Variants in MAST4 observed in about 807,000 individuals in gnomAD.
The protein encoded by MAST4 is microtubule-associated serine/threonine-protein kinase 4.
MAST4 carries 89 observed loss-of-function variants against 162.7 expected under a neutral mutation model. That is an observed-to-expected ratio of 0.55 (90% CI 0.46 to 0.65). The LOEUF (loss-of-function observed/expected upper bound fraction) is 0.65. Ranked by LOEUF, MAST4 falls within the 30% of genes least tolerant of loss-of-function variation. MAST4 has a pLI of 0.00. For missense variants in MAST4, 3,153 were observed against 3,374.0 expected (o/e 0.93, Z 1.62); for synonymous variants, 1,479 against 1,361.1 (o/e 1.09, Z -1.91).
At chr5:66,955,717 A>T (rs1745227864) in intron 4 of MAST4, among the ~76,000 whole-genome samples, 1 of 152,188 alleles carries the variant, frequency 6.6e-6, no homozygotes, top group South Asian at 2.1e-4. Flanking sequence ...ATTAAAGGTG[A>T]TCATGGTCCA....
At position 67,033,802 on chromosome 5, in the gene MAST4, T is replaced by C. The variant is rs137947448; in HGVS notation, c.675-20602T>C. Among the ~76,000 whole-genome samples, 21 of 152,286 alleles carry C rather than the reference T, an allele frequency of 1.4e-4. No homozygotes were observed. In the East Asian group the frequency reaches 3.9e-3, roughly 28 times the overall value. On this transcript the variant is annotated intron_variant, in intron 4 of 28. Transcript: ENST00000403625. ...CATTCAGTGATAAGCAAAATAAGTT[T>C]AGGTTTCAAAGAAAAGTATCAGTTT...
intron 18 of MAST4, among the ~76,000 whole-genome samples, chr5:67,135,408 G>C (rs544541313): frequency 6.6e-6 from 1 of 152,220 alleles, no homozygotes; most frequent in African/African-American, 2.4e-5. Flanking sequence ...CATCAGAAAG[G>C]CCTCTCATCT....
intron 1 of MAST4, among the ~76,000 whole-genome samples, chr5:66,724,691 G>A (rs528551953): frequency 6.6e-6 from 1 of 152,162 alleles, no homozygotes; most frequent in African/African-American, 2.4e-5. Flanking sequence ...GCTTGTTACT[G>A]TACTGAATAC....
intron 4 of MAST4, among the ~76,000 whole-genome samples, chr5:66,989,407 A>T (rs1222514090): frequency 6.6e-6 from 1 of 152,182 alleles, no homozygotes; most frequent in Admixed American, 6.5e-5. Flanking sequence ...GGTTTGACCC[A>T]GTCATTGATG....
chr5:67,166,225 C>T lies in MAST4; in HGVS notation c.7046C>T (p.Thr2349Ile), dbSNP rs1561213845. 1.3e-6 allele frequency: 2 copies of T among 1,552,514 alleles called. No homozygotes were observed. The highest frequency in any genetic ancestry group is 1.7e-6 in the Non-Finnish European group (2 of 1,147,334). ...GATTGCCCCACCCTGTGCAAACAGA[C>T]AGACAACAGACAGACAGACAAAAGC... is the stretch of plus-strand genomic sequence containing the variant. ...VKDCPTLCKQ[T>I]DNRQTDKSPS... Residue 2349 changes from threonine to isoleucine, a missense_variant, in exon 29 of 29, where the codon ACA becomes ATA. By Grantham distance (89) the Thr-to-Ile change is moderately conservative. Around this residue, in one of 7 missense-constraint regions of MAST4, gnomAD observed 1,644 missense variants for 1,495.0 expected, o/e 1.10. Transcript: ENST00000403625.
At chr5:67,144,481 CACACACT>C (rs1770809623) in intron 21 of MAST4, among the ~76,000 whole-genome samples, 181 bp from the exon 22 acceptor site, 1 of 151,816 alleles carries the variant, frequency 6.6e-6, no homozygotes, top group Non-Finnish European at 1.5e-5. Context: ...CACACACACA[CACACACT>C]CACTCACCCT....
intron 5 of MAST4, among the ~76,000 whole-genome samples, chr5:67,059,955 C>T (rs558879734): frequency 1.8e-4 from 27 of 152,224 alleles, no homozygotes; most frequent in Non-Finnish European, 2.8e-4. Context: ...AAATGAATCA[C>T]GTGAACATTT....
At chr5:67,017,141 CA>C (rs1753394684) in intron 4 of MAST4, among the ~76,000 whole-genome samples, 1 of 152,100 alleles carries the variant, frequency 6.6e-6, no homozygotes, top group Non-Finnish European at 1.5e-5. Context: ...ATACATAAAA[CA>C]ATTGCATAAG....
intron 4 of MAST4, among the ~76,000 whole-genome samples, chr5:66,926,450 G>A (rs1163785734): frequency 6.6e-6 from 1 of 152,104 alleles, no homozygotes; most frequent in East Asian, 1.9e-4. Flanking sequence ...AGGAGCCTGA[G>A]CCAGGAGAAT....
chr5:67,130,320 G>A lies in MAST4; in HGVS notation c.1856G>A (p.Arg619Gln), dbSNP rs1264103819. ...RNQIQQAFVE[R>Q]DILTFAENPF... ...CAGATCCAGCAGGCCTTTGTGGAGC[G>A]GGATATCCTGACTTTTGCAGAAAAC... The change falls in exon 15 of 29, where the codon CGG becomes CAG. Residue 619 changes from arginine to glutamine, a missense_variant. By Grantham distance (43) the Arg-to-Gln change is conservative. Transcript: ENST00000403625. 5 of 1,613,780 alleles carry A rather than the reference G, an allele frequency of 3.1e-6. No homozygotes were observed. Among genetic ancestry groups the A allele is most frequent in the Admixed American group, 1.7e-5 (1 of 59,958 alleles).
intron 5 of MAST4, among the ~76,000 whole-genome samples, chr5:67,078,906 AT>A (rs1762142370): frequency 9.3e-5 from 1 of 10,752 alleles, no homozygotes; most frequent in African/African-American, 2.5e-4. Context: ...ATATATTTTT[AT>A]ATAAATATAT....
chr5:66,931,396 T>C (rs1481030734), intron 4 of MAST4, among the ~76,000 whole-genome samples: 1 of 152,180 alleles, frequency 6.6e-6, no homozygotes, highest in African/African-American at 2.4e-5. Flanking sequence ...AGGAACCTAA[T>C]TCTTTGTTGT....
chr5:66,818,516 A>G (rs1756837830), intron 3 of MAST4, among the ~76,000 whole-genome samples: 1 of 152,040 alleles, frequency 6.6e-6, no homozygotes. Flanking sequence ...GCTCAACTAG[A>G]TAAATACAAA....
In MAST4 at chr5:66,679,540, C is replaced by T. The variant is rs183254305; in HGVS notation, c.364-80169C>T. On this transcript the variant is annotated intron_variant, in intron 1 of 28. Coordinates refer to ENST00000403625, the MANE Select transcript of MAST4 (RefSeq NM_001164664.2). ...GTATAAACTTCGCTGAAGAGGAGAC[C>T]TGGTGAGATTTTTCCCTTCTTCATT... is the stretch of plus-strand genomic sequence containing the variant. Among the ~76,000 whole-genome samples the T allele has an allele frequency of 3.4e-3, 508 of 151,608 alleles. 1 individual carries two copies. Among genetic ancestry groups the T allele is most frequent in the African/African-American group, 0.012 (476 of 40,890 alleles).
intron 4 of MAST4, chr5:66,963,635 C>A: frequency 1.3e-6 from 1 of 770,812 alleles, no homozygotes; most frequent in African/African-American, 1.7e-5. Context: ...GGAACACAGT[C>A]CCTTAACTGA....
intron 3 of MAST4, among the ~76,000 whole-genome samples, chr5:66,818,202 C>CGT (rs1050464179): frequency 6.6e-6 from 1 of 152,114 alleles, no homozygotes; most frequent in Non-Finnish European, 1.5e-5. Flanking sequence ...CCATAGACAT[C>CGT]TATTACTTTT....
intron 1 of MAST4, among the ~76,000 whole-genome samples, chr5:66,599,841 G>T: frequency 6.6e-6 from 1 of 152,130 alleles, no homozygotes; most frequent in East Asian, 1.9e-4. Context: ...TAAAAGGCTT[G>T]TGTGCAACTC....
chr5:66,633,533 T>C (rs1390828601), intron 1 of MAST4, among the ~76,000 whole-genome samples: 3 of 152,220 alleles, frequency 2.0e-5, no homozygotes, highest in Non-Finnish European at 4.4e-5. Context: ...TTTCTTTGGC[T>C]GTCATTTGGT....
chr5:67,017,578 AG>A (rs1449256486), intron 4 of MAST4, among the ~76,000 whole-genome samples: 1 of 151,384 alleles, frequency 6.6e-6, no homozygotes, highest in Admixed American at 6.6e-5. Flanking sequence ...AAAGATATAG[AG>A]TATTTCTTTC....
Sources: allele counts gnomAD v4.1 joint callset (sites outside exome capture counted in the v4.1 genomes callset), GRCh38; gene constraint gnomAD v4.1.1; regional missense constraint gnomAD v4.1.1; transcripts MANE v1.5; gene names NCBI Gene and HGNC (gene_info 2026-07-23, HGNC 2026-07-21).